Variants in MTHFD1L observed in about 807,000 individuals in gnomAD.
MTHFD1L encodes the protein methylenetetrahydrofolate dehydrogenase (NADP+ dependent) 1 like, also known as monofunctional C1-tetrahydrofolate synthase, mitochondrial.
MTHFD1L carries 81 observed loss-of-function variants against 119.5 expected under a neutral mutation model. The observed-to-expected ratio is 0.68, with a 90% CI of 0.57 to 0.82. The LOEUF is 0.82. Among genes scored for constraint, MTHFD1L ranks in the 40% least tolerant of loss-of-function variants. The pLI, the probability that MTHFD1L is intolerant of heterozygous loss-of-function variation, is 0.00. For missense variants in MTHFD1L, 1,125 were observed against 1,253.4 expected, an observed-to-expected ratio of 0.90 and a Z score of 1.55; for synonymous variants, 430 against 475.2, an observed-to-expected ratio of 0.90 and a Z score of 1.24.
At chr6:151,074,117 G>C (rs989822949) in intron 26 of MTHFD1L, among the ~76,000 whole-genome samples, 1 of 152,188 alleles carries the variant, frequency 6.6e-6, no homozygotes, top group Non-Finnish European at 1.5e-5. Flanking sequence ...TCACAGCCTA[G>C]AGTTTTTTAC....
At chr6:150,934,166 T>C (rs1791650242) in intron 11 of MTHFD1L, among the ~76,000 whole-genome samples, 1 of 152,238 alleles carries the variant, frequency 6.6e-6, no homozygotes, top group Non-Finnish European at 1.5e-5. Flanking sequence ...GCTGTGTGAC[T>C]GTCGGCAAGT....
At chr6:151,062,867 T>C (rs1169844642) in intron 26 of MTHFD1L, among the ~76,000 whole-genome samples, 1 of 151,886 alleles carries the variant, frequency 6.6e-6, no homozygotes, top group Non-Finnish European at 1.5e-5. Context: ...CTTTAAGATA[T>C]CCACTTCACC....
intron 26 of MTHFD1L, among the ~76,000 whole-genome samples, chr6:151,090,249 C>T (rs1669685900): frequency 6.6e-6 from 1 of 152,216 alleles, no homozygotes. Flanking sequence ...CGGCTTTTCC[C>T]TCCCCTTCGC....
At chr6:151,084,865 G>C (rs1793583530) in intron 26 of MTHFD1L, among the ~76,000 whole-genome samples, 1 of 151,176 alleles carries the variant, frequency 6.6e-6, no homozygotes, top group African/African-American at 2.4e-5. Flanking sequence ...TACTCGGGAG[G>C]CTGAGGCAGG....
At chr6:151,014,843 C>A in intron 22 of MTHFD1L, 37 bp from the exon 23 acceptor site, 1 of 1,566,452 alleles carries the variant, frequency 6.4e-7, no homozygotes, top group Non-Finnish European at 8.8e-7. Flanking sequence ...GGAGACAATA[C>A]ACAGGGGTCT....
At chr6:150,982,409 G>A (rs537600429) in intron 20 of MTHFD1L, among the ~76,000 whole-genome samples, 92 of 152,268 alleles carry the variant, frequency 6.0e-4, no homozygotes, top group African/African-American at 2.1e-3. Context: ...CCTTCTGTGC[G>A]TGCATGTAGC....
chr6:151,025,718 G>A (rs1486999775), intron 24 of MTHFD1L, among the ~76,000 whole-genome samples: 3 of 152,204 alleles, frequency 2.0e-5, no homozygotes, highest in Non-Finnish European at 4.4e-5. Flanking sequence ...AAAGAACCAT[G>A]TATTTGTCAT....
At chr6:150,929,231 C>G (rs1790579799) in intron 11 of MTHFD1L, among the ~76,000 whole-genome samples, 1 of 152,204 alleles carries the variant, frequency 6.6e-6, no homozygotes, top group Non-Finnish European at 1.5e-5. Context: ...AATTAATAAA[C>G]AAACTCTTGG....
intron 20 of MTHFD1L, among the ~76,000 whole-genome samples, chr6:150,984,087 A>G (rs1010951060): frequency 3.3e-5 from 5 of 152,202 alleles, no homozygotes; most frequent in African/African-American, 9.6e-5. Context: ...ATTTAATTTT[A>G]TGGTCAAATT....
chr6:150,885,562 T>C (rs1272055184), intron 5 of MTHFD1L, 72 bp from the exon 6 acceptor site: 3 of 1,064,972 alleles, frequency 2.8e-6, no homozygotes, highest in Non-Finnish European at 4.4e-6. Flanking sequence ...GGGGTTAATA[T>C]ATGTACATTA....
intron 13 of MTHFD1L, among the ~76,000 whole-genome samples, chr6:150,939,787 C>G (rs1792786153): frequency 6.7e-6 from 1 of 149,386 alleles, no homozygotes; most frequent in African/African-American, 2.5e-5. Flanking sequence ...CAGGTTCAAG[C>G]AATTCTCATG....
Position 151,059,796 on chromosome 6 carries a change from C to T in MTHFD1L, c.2847+22679C>T, listed in dbSNP as rs188879333. 1.9e-3 allele frequency among the ~76,000 whole-genome samples: 288 copies of T among 152,240 alleles called. 4 individuals are homozygous for T. The highest frequency in any genetic ancestry group is 6.4e-3 in the African/African-American group (266 of 41,546). On this transcript the variant is annotated intron_variant, in intron 26 of 27. Transcript: ENST00000367321. The stretch of plus-strand genomic sequence containing the variant: ...ACGGTGGGTCTGTGCTGCTCAGTTA[C>T]GGGATGGTAAGGGAAGGCTCTAACT...
At chr6:150,981,777 G>C (rs539816809) in intron 20 of MTHFD1L, among the ~76,000 whole-genome samples, 1 of 152,266 alleles carries the variant, frequency 6.6e-6, no homozygotes, top group African/African-American at 2.4e-5. Flanking sequence ...ATACTCTTCT[G>C]ATATTGTTGG....
chr6:150,880,960 T>C (rs1781303923), intron 4 of MTHFD1L, among the ~76,000 whole-genome samples: 2 of 152,206 alleles, frequency 1.3e-5, no homozygotes, highest in Non-Finnish European at 2.9e-5. Context: ...TATTAAGTTA[T>C]TTGAGTTCCT....
intron 9 of MTHFD1L, among the ~76,000 whole-genome samples, chr6:150,920,114 G>A (rs890468720): frequency 6.6e-6 from 1 of 152,194 alleles, no homozygotes; most frequent in African/African-American, 2.4e-5. Context: ...AGCAATCCAA[G>A]GGAGGCAACC....
intron 20 of MTHFD1L, among the ~76,000 whole-genome samples, chr6:150,974,042 G>A (rs538868964): frequency 1.2e-4 from 18 of 152,322 alleles, no homozygotes; most frequent in African/African-American, 4.1e-4. Context: ...GCCGTAAGTG[G>A]GGGGGTTTTT....
Position 150,885,712 on chromosome 6 carries a change from A to C in MTHFD1L, c.621A>C (p.Val207=). Residue 207 remains valine, a synonymous_variant, in exon 6 of 28, where the codon GTA becomes GTC. Transcript: ENST00000367321. The stretch of plus-strand genomic sequence containing the variant: ...TTGTTTCACCTGTTGCCAAAGCTGT[A>C]ATTGAACTTCTTGAAAAATCAGGTA... The part of the protein sequence containing the change: ...ECFVSPVAKA[V]IELLEKSGVN... 1 of 1,613,650 alleles carries C rather than the reference A, an allele frequency of 6.2e-7. No individual in the cohort carries two copies. Among genetic ancestry groups the C allele is most frequent in the African/African-American group, 1.3e-5 (1 of 75,024 alleles).
Position 151,036,946 on chromosome 6 carries a change from T to A in MTHFD1L, c.2695-19T>A. 1 of 1,611,824 alleles carries A rather than the reference T, an allele frequency of 6.2e-7. No individual in the cohort carries two copies. Among genetic ancestry groups the A allele is most frequent in the Non-Finnish European group, 8.5e-7 (1 of 1,179,696 alleles). ...CTAACATCTGTATCAGTGAACACAT[T>A]TTCTTTCCTTTCTCACAGGGTTTTG... On this transcript the variant is annotated intron_variant, in intron 25 of 27. Coordinates refer to ENST00000367321, the MANE Select transcript of MTHFD1L (RefSeq NM_015440.5).
Position 150,887,939 on chromosome 6 carries a change from G to A in MTHFD1L, c.738G>A (p.Met246Ile). ...GCCTGTTCCAGAGAAAAGGGTCCAT[G>A]ACAATGAGCATCCAGTGGAAAACAC... ...LQCLFQRKGS[M>I]TMSIQWKTRQ... Residue 246 changes from methionine (M) to isoleucine (I), a missense_variant, in exon 7 of 28, where the codon ATG becomes ATA. Around this residue, in one of 3 missense-constraint regions of MTHFD1L, gnomAD observed 1,058 missense variants for 1,151.2 expected, o/e 0.92. Transcript: ENST00000367321. 2.5e-6 allele frequency: 4 copies of A among 1,609,310 alleles called. No individual in the cohort carries two copies. The African/African-American group carries it at 4.0e-5, about 16-fold the overall frequency.
Sources: gnomAD v4.1 joint callset for allele counts (sites outside exome capture counted in the v4.1 genomes callset) on GRCh38, gnomAD v4.1.1 for gene constraint, gnomAD v4.1.1 regional missense constraint, MANE v1.5 for transcripts, NCBI Gene and HGNC (gene_info 2026-07-23, HGNC 2026-07-21) for gene names.